Variants in WWC2 observed in about 807,000 individuals in gnomAD.
The protein encoded by WWC2 is protein WWC2.
WWC2 carries 101 observed loss-of-function variants against 138.5 expected under a neutral mutation model. The ratio of observed to expected loss-of-function variants is 0.73; its 90% CI spans 0.62 to 0.86. The LOEUF is 0.86. WWC2 is among the 40% of genes least tolerant of loss of function. The probability of loss-of-function intolerance (pLI) is 0.00; values close to 1 mark genes in which losing one functional copy is unlikely to be tolerated. For missense variants in WWC2, 1,420 were observed against 1,419.4 expected, an observed-to-expected ratio of 1.00 and a Z score of -0.01; for synonymous variants, 558 against 538.4, an observed-to-expected ratio of 1.04 and a Z score of -0.50.
Position 183,208,072 on chromosome 4 carries a change from A to G in WWC2, c.361A>G (p.Lys121Glu). ...LRTQKELYHVKEQRLALALDE... is the reference protein window; with the variant it reads ...LRTQKELYHVEEQRLALALDE... The stretch of plus-strand genomic sequence containing the variant: ...GACACAGAAGGAACTGTACCATGTG[A>G]AGGAGCAGAGGCTGGCGCTGGCCCT... Residue 121 changes from lysine (K) to glutamate (E), a missense_variant, in exon 3 of 23, where the codon AAG (lysine) becomes GAG (glutamate). By Grantham distance (56) the Lys-to-Glu change is moderately conservative. Transcript: ENST00000403733. 1 of 1,613,924 alleles carries G rather than the reference A, an allele frequency of 6.2e-7. No homozygotes were observed. Among genetic ancestry groups the G allele is most frequent in the Non-Finnish European group, 8.5e-7 (1 of 1,179,854 alleles).
chr4:183,157,571 G>C (rs1319053436), intron 1 of WWC2, among the ~76,000 whole-genome samples: 2 of 152,152 alleles, frequency 1.3e-5, no homozygotes, highest in African/African-American at 4.8e-5. Flanking sequence ...CGCAATCTCA[G>C]CTCACTGCAA....
chr4:183,270,418 T>TC (rs1737661807), intron 15 of WWC2, among the ~76,000 whole-genome samples: 1 of 152,184 alleles, frequency 6.6e-6, no homozygotes, highest in Non-Finnish European at 1.5e-5. Flanking sequence ...TATTTTTTTT[T>TC]CAGTGGATAA....
chr4:183,307,239 G>A (rs1739051412), intron 21 of WWC2, among the ~76,000 whole-genome samples: 1 of 152,092 alleles, frequency 6.6e-6, no homozygotes, highest in African/African-American at 2.4e-5. Context: ...ATAACAGATG[G>A]GTCAAAGGAG....
intron 8 of WWC2, among the ~76,000 whole-genome samples, chr4:183,252,018 C>A (rs1320394988): frequency 6.6e-6 from 1 of 152,168 alleles, no homozygotes; most frequent in East Asian, 1.9e-4. Flanking sequence ...TTACTTAAAT[C>A]TATCATAAGT....
Position 183,271,186 on chromosome 4 carries a change from A to G in WWC2, c.2507A>G (p.Glu836Gly), listed in dbSNP as rs755159179. The G allele has an allele frequency of 3.7e-6, 6 of 1,613,442 alleles. No individual in the cohort carries two copies. Among genetic ancestry groups the G allele is most frequent in the Non-Finnish European group, 5.1e-6 (6 of 1,179,632 alleles). Residue 836 changes from glutamate to glycine, a missense_variant, in exon 16 of 23, where the codon GAA (glutamate) becomes GGA (glycine). Glu to Gly is a moderately conservative substitution (Grantham distance 98). Coordinates refer to ENST00000403733, the MANE Select transcript of WWC2 (RefSeq NM_024949.6). Reference sequence around the variant, plus strand: ...CAAATGCCTTGCAAAAAGAATGAAGAAAATGAGGACTCTGTATTTCAACCA... The same window carrying G: ...CAAATGCCTTGCAAAAAGAATGAAGGAAATGAGGACTCTGTATTTCAACCA... ...SKQMPCKKNE[E>G]NEDSVFQPNQ... is the part of the protein sequence containing the mutation.
intron 1 of WWC2, among the ~76,000 whole-genome samples, chr4:183,115,404 C>A (rs181798853): frequency 3.9e-5 from 6 of 152,130 alleles, no homozygotes; most frequent in Admixed American, 6.5e-5. Context: ...AGGGATTGCT[C>A]GGTTGGATGG....
chr4:183,275,027 C>T lies in WWC2; in HGVS notation c.2562+3786C>T, dbSNP rs191452189. 3.8e-3 allele frequency among the ~76,000 whole-genome samples: 574 copies of T among 152,264 alleles called. 14 individuals are homozygous for T. The highest frequency in any genetic ancestry group is 0.03 in the Admixed American group (458 of 15,298). Reference sequence around the variant, plus strand: ...TAGAACAGCAGAACTTATTCTGCTTCTCTAACTGTAACTTGATGTTCCTGT... The same window carrying T: ...TAGAACAGCAGAACTTATTCTGCTTTTCTAACTGTAACTTGATGTTCCTGT... On this transcript the variant is annotated intron_variant, in intron 16 of 22. Coordinates refer to ENST00000403733, the MANE Select transcript of WWC2 (RefSeq NM_024949.6).
rs781598183 is a variant in WWC2 at position 183,261,147 on chromosome 4, C to T, written c.1524C>T (p.Asn508=). The T allele has an allele frequency of 1.1e-5, 17 of 1,613,822 alleles. No individual in the cohort carries two copies. Among genetic ancestry groups the T allele is most frequent in the African/African-American group, 2.7e-5 (2 of 74,918 alleles). ...PSGPITTIHE[N]EVVKSPSQPG... is the part of the protein sequence containing the mutation. ...GACCCATCACCACCATCCATGAAAACGAGGTGGTCAAGTCCCCTAGCCAGC... is the reference window on the plus strand; with the variant it reads ...GACCCATCACCACCATCCATGAAAATGAGGTGGTCAAGTCCCCTAGCCAGC... Residue 508 remains asparagine (N), a synonymous_variant, in exon 11 of 23, where the codon AAC becomes AAT. Coordinates refer to ENST00000403733, the MANE Select transcript of WWC2 (RefSeq NM_024949.6).
At chr4:183,137,273 A>G (rs1454059974) in intron 1 of WWC2, among the ~76,000 whole-genome samples, 1 of 152,188 alleles carries the variant, frequency 6.6e-6, no homozygotes, top group African/African-American at 2.4e-5. Flanking sequence ...GAACTTTTTG[A>G]CTTTTTTTAA....
At position 183,268,990 on chromosome 4, in the gene WWC2, C is replaced by T. The variant is rs781392400; in HGVS notation, c.2227C>T (p.Leu743Phe). The change falls in exon 15 of 23, where the codon CTT becomes TTT. Residue 743 changes from leucine (L) to phenylalanine (F), a missense_variant. By Grantham distance (22) the Leu-to-Phe change is conservative (BLOSUM62 0). Coordinates refer to ENST00000403733, the MANE Select transcript of WWC2 (RefSeq NM_024949.6). ...TTGCAGATATTTTAGGGTTGCCGTTCTTCCTTCCTCAACTGATGTCAGCTG... is the reference window on the plus strand; with the variant it reads ...TTGCAGATATTTTAGGGTTGCCGTTTTTCCTTCCTCAACTGATGTCAGCTG... The part of the protein sequence containing the change: ...TSKVYFRVAV[L>F]PSSTDVSCLF... 1.2e-6 allele frequency: 2 copies of T among 1,612,182 alleles called. No individual in the cohort carries two copies. The highest frequency in any genetic ancestry group is 2.7e-5 in the African/African-American group (2 of 74,844).
At chr4:183,193,936 C>G (rs1184580528) in intron 2 of WWC2, among the ~76,000 whole-genome samples, 1 of 152,194 alleles carries the variant, frequency 6.6e-6, no homozygotes. Context: ...GCCTGCCTGC[C>G]TGCCTGCCTG....
At chr4:183,307,123 A>G (rs1024717525) in intron 21 of WWC2, among the ~76,000 whole-genome samples, 4 of 152,228 alleles carry the variant, frequency 2.6e-5, no homozygotes, top group African/African-American at 9.6e-5. Context: ...CATAAGATAC[A>G]TATTTACACT....
At chr4:183,176,065 C>G (rs917102463) in intron 1 of WWC2, among the ~76,000 whole-genome samples, 1 of 152,224 alleles carries the variant, frequency 6.6e-6, no homozygotes, top group Non-Finnish European at 1.5e-5. Flanking sequence ...AAGGGCTGAT[C>G]TCTGAAGTTA....
chr4:183,300,537 A>G (rs1738800466), intron 21 of WWC2, among the ~76,000 whole-genome samples: 1 of 152,236 alleles, frequency 6.6e-6, no homozygotes, highest in Middle Eastern at 3.4e-3. Flanking sequence ...GATTACAGAA[A>G]AGTATTCAGC....
In WWC2 at chr4:183,245,474, A is replaced by T; in HGVS notation, c.661A>T (p.Ile221Phe). 1 of 1,608,802 alleles carries T rather than the reference A, an allele frequency of 6.2e-7. No individual in the cohort carries two copies. Among genetic ancestry groups the T allele is most frequent in the Non-Finnish European group, 8.5e-7 (1 of 1,177,998 alleles). Residue 221 changes from isoleucine to phenylalanine, a missense_variant, in exon 6 of 23, where the codon ATT becomes TTT. Coordinates refer to ENST00000403733, the MANE Select transcript of WWC2 (RefSeq NM_024949.6). Reference protein sequence around the residue: ...SGYELSEAKAILTELKSIRKA... With the variant: ...SGYELSEAKAFLTELKSIRKA... The stretch of plus-strand genomic sequence containing the variant: ...GTATGAACTCAGTGAAGCCAAAGCC[A>T]TTCTAACAGAACTAAAATCTATCAG...
chr4:183,191,008 A>T (rs966572664), intron 1 of WWC2, among the ~76,000 whole-genome samples: 1 of 152,046 alleles, frequency 6.6e-6, no homozygotes, highest in African/African-American at 2.4e-5. Context: ...TCATTTCTTT[A>T]GGATGCATGT....
At position 183,261,024 on chromosome 4, in the gene WWC2, C is replaced by A. The variant is rs751399370; in HGVS notation, c.1401C>A (p.Thr467=). Residue 467 remains threonine, a synonymous_variant, in exon 11 of 23, where the codon ACC becomes ACA. Transcript: ENST00000403733. ...GGTCACTCAACTCCCTCAGTTCCACCGAACTCTATTACAGCAGTCAAAGTG... is the reference window on the plus strand; with the variant it reads ...GGTCACTCAACTCCCTCAGTTCCACAGAACTCTATTACAGCAGTCAAAGTG... The part of the protein sequence containing the change: ...SRGSLNSLSS[T]ELYYSSQSDQ... 2.5e-6 allele frequency: 4 copies of A among 1,613,980 alleles called. No homozygotes were observed. Among genetic ancestry groups the A allele is most frequent in the Non-Finnish European group, 3.4e-6 (4 of 1,179,896 alleles).
intron 1 of WWC2, among the ~76,000 whole-genome samples, chr4:183,105,656 C>T (rs919886046): frequency 1.3e-5 from 2 of 152,094 alleles, no homozygotes; most frequent in African/African-American, 4.8e-5. Flanking sequence ...TTTGGGAGGC[C>T]AAGGCGGGTG....
intron 1 of WWC2, among the ~76,000 whole-genome samples, chr4:183,184,789 A>G (rs1734743585): frequency 6.6e-6 from 1 of 152,226 alleles, no homozygotes; most frequent in South Asian, 2.1e-4. Context: ...AAGGATAAAG[A>G]AAGCCTTGCT....
Sources: allele counts gnomAD v4.1 joint callset (sites outside exome capture counted in the v4.1 genomes callset), GRCh38; gene constraint gnomAD v4.1.1; transcripts MANE v1.5; gene names NCBI Gene and HGNC (gene_info 2026-07-23, HGNC 2026-07-21).